The following CEP85L variants were observed in gnomAD, a reference collection of about 807,000 sequenced individuals.
CEP85L encodes centrosomal protein 85L, also known as centrosomal protein of 85 kDa-like.
A neutral mutation model predicts 100.3 loss-of-function variants in CEP85L; 60 were observed. The ratio of observed to expected loss-of-function variants is 0.60; its 90% CI spans 0.49 to 0.74. CEP85L has a LOEUF of 0.74. CEP85L is among the 30% of genes least tolerant of loss of function. The pLI, the probability that CEP85L is intolerant of heterozygous loss-of-function variation, is 0.00. For synonymous variants in CEP85L, 319 were observed against 322.7 expected (o/e 0.99, Z 0.12); for missense variants, 973 against 936.2 (o/e 1.04, Z -0.51).
At chr6:118,600,328 T>C (rs1781701227) in intron 2 of CEP85L, among the ~76,000 whole-genome samples, 1 of 115,708 alleles carries the variant, frequency 8.6e-6, no homozygotes, top group African/African-American at 3.2e-5. Flanking sequence ...TGTGTGTGTG[T>C]GTGTGTGTGT....
intron 1 of CEP85L, among the ~76,000 whole-genome samples, chr6:118,658,969 T>G (rs1775883562): frequency 6.6e-6 from 1 of 152,142 alleles, no homozygotes; most frequent in African/African-American, 2.4e-5. Flanking sequence ...AGTGTTATTT[T>G]GGGGGAATCT....
intron 2 of CEP85L, among the ~76,000 whole-genome samples, chr6:118,625,320 G>A (rs900783984): frequency 1.4e-4 from 21 of 152,272 alleles, no homozygotes; most frequent in Admixed American, 3.9e-4. Context: ...GCACCCCCAT[G>A]TCCATTTATA....
intron 9 of CEP85L, among the ~76,000 whole-genome samples, 162 bp downstream of exon 9, chr6:118,480,234 T>C (rs534482449): frequency 3.3e-5 from 5 of 152,278 alleles, no homozygotes; most frequent in South Asian, 2.1e-4. Flanking sequence ...TTTGTTTCAA[T>C]TGCTATGGTC....
chr6:118,596,227 C>T (rs1371868574), intron 2 of CEP85L, among the ~76,000 whole-genome samples: 1 of 151,984 alleles, frequency 6.6e-6, no homozygotes, highest in East Asian at 1.9e-4. Flanking sequence ...CTGCTTGACA[C>T]GGATATGACA....
At chr6:118,698,570 C>G (rs1777290737) in intron 1 of CEP85L, among the ~76,000 whole-genome samples, 1 of 151,444 alleles carries the variant, frequency 6.6e-6, no homozygotes, top group Non-Finnish European at 1.5e-5. Context: ...CAGATGAACG[C>G]TGCAATCAAT....
chr6:118,530,236 G>A (rs1393265724), intron 3 of CEP85L, among the ~76,000 whole-genome samples: 1 of 151,494 alleles, frequency 6.6e-6, no homozygotes, highest in Non-Finnish European at 1.5e-5. Flanking sequence ...TGTAAAGTGG[G>A]GATCCAGTTC....
chr6:118,596,807 G>A (rs1781479540), intron 2 of CEP85L, among the ~76,000 whole-genome samples: 1 of 152,132 alleles, frequency 6.6e-6, no homozygotes, highest in Admixed American at 6.5e-5. Context: ...AAGTCTTCCA[G>A]CAGTCTTACT....
chr6:118,675,717 CAT>C (rs1776461687), intron 1 of CEP85L, among the ~76,000 whole-genome samples: 1 of 151,806 alleles, frequency 6.6e-6, no homozygotes, highest in Admixed American at 6.6e-5. Context: ...GCCTGGACAA[CAT>C]AGCGAGACCC....
intron 5 of CEP85L, among the ~76,000 whole-genome samples, chr6:118,511,075 C>G (rs1400846800): frequency 1.3e-5 from 2 of 152,004 alleles, no homozygotes; most frequent in African/African-American, 2.4e-5. Flanking sequence ...AAGGGATACA[C>G]CAGAAACTGA....
At chr6:118,561,745 T>C (rs1307469785) in intron 3 of CEP85L, among the ~76,000 whole-genome samples, 4 of 152,144 alleles carry the variant, frequency 2.6e-5, no homozygotes, top group African/African-American at 7.2e-5. Context: ...ACACTTACAA[T>C]TGATACTAAC....
chr6:118,523,727 G>A, intron 4 of CEP85L, 75 bp downstream of exon 4: 1 of 672,648 alleles, frequency 1.5e-6, no homozygotes, highest in South Asian at 1.9e-5. Context: ...TCTATGTAGT[G>A]GACATAAAGT....
At chr6:118,491,554 C>G in intron 6 of CEP85L, 132 bp downstream of exon 6, 12 of 1,426,652 alleles carry the variant, frequency 8.4e-6, no homozygotes, top group Non-Finnish European at 1.1e-5. Flanking sequence ...TCAAAAGTTA[C>G]TACAAAATTA....
At chr6:118,692,752 G>A (rs1215577793) in intron 1 of CEP85L, among the ~76,000 whole-genome samples, 8 of 62,620 alleles carry the variant, frequency 1.3e-4, no homozygotes, top group Non-Finnish European at 1.6e-4. Flanking sequence ...GTTAAGGGCA[G>A]AAGAAACAAG....
intron 3 of CEP85L, among the ~76,000 whole-genome samples, chr6:118,528,218 T>TC (rs1295794268): frequency 1.3e-5 from 2 of 150,944 alleles, no homozygotes; most frequent in Admixed American, 1.3e-4. Flanking sequence ...TCTTTTTCTT[T>TC]TTTTTTTTTT....
At chr6:118,594,867 C>CA (rs1157275525) in intron 2 of CEP85L, among the ~76,000 whole-genome samples, 2 of 118,602 alleles carry the variant, frequency 1.7e-5, no homozygotes, top group African/African-American at 6.5e-5. Context: ...AAAAAAAAAA[C>CA]AAACAAAACA....
At chr6:118,485,124 A>C (rs562184284) in intron 6 of CEP85L, among the ~76,000 whole-genome samples, 1 of 152,206 alleles carries the variant, frequency 6.6e-6, no homozygotes, top group Admixed American at 6.5e-5. Context: ...ACTACATGAA[A>C]TATATCATCT....
At chr6:118,609,363 C>T (rs1406592328) in intron 2 of CEP85L, among the ~76,000 whole-genome samples, 1 of 152,030 alleles carries the variant, frequency 6.6e-6, no homozygotes, top group Non-Finnish European at 1.5e-5. Context: ...TATGAATTTG[C>T]TTTTAAAACA....
chr6:118,487,255 A>T (rs1774250898), intron 6 of CEP85L, among the ~76,000 whole-genome samples: 1 of 152,204 alleles, frequency 6.6e-6, no homozygotes, highest in Non-Finnish European at 1.5e-5. Flanking sequence ...AGCAACTGTA[A>T]CACCCAGTGT....
intron 3 of CEP85L, among the ~76,000 whole-genome samples, chr6:118,553,506 A>G (rs1778673337): frequency 1.3e-5 from 2 of 152,220 alleles, no homozygotes; most frequent in Non-Finnish European, 2.9e-5. Flanking sequence ...GAGCCCAATA[A>G]ATTAAATGTA....
Sources: allele counts gnomAD v4.1 joint callset (sites outside exome capture counted in the v4.1 genomes callset), GRCh38; gene constraint gnomAD v4.1.1; transcripts MANE v1.5; gene names NCBI Gene and HGNC (gene_info 2026-07-23, HGNC 2026-07-21).